HSD17B2: variants seen among roughly 807,000 people sequenced by gnomAD.
HSD17B2 encodes 17-beta-hydroxysteroid dehydrogenase type 2.
In HSD17B2, 32 loss-of-function variants were observed where a neutral mutation model predicts 26.9. The ratio of observed to expected loss-of-function variants is 1.19; its 90% CI spans 0.90 to 1.60. The LOEUF is 1.60. Among genes scored for constraint, HSD17B2 ranks in the 40% most tolerant of loss-of-function variants. The pLI, the probability that HSD17B2 is intolerant of heterozygous loss-of-function variation, is 0.00. For synonymous variants in HSD17B2, 246 were observed against 186.7 expected, an observed-to-expected ratio of 1.32 and a Z score of -2.59; for missense variants, 613 against 468.6, an observed-to-expected ratio of 1.31 and a Z score of -2.85.
chr16:82,047,811 C>G (rs920663968), intron 1 of HSD17B2, among the ~76,000 whole-genome samples: 1 of 152,168 alleles, frequency 6.6e-6, no homozygotes, highest in Non-Finnish European at 1.5e-5. Context: ...CCAGATGGAC[C>G]ATGAGCTCCA....
intron 1 of HSD17B2, among the ~76,000 whole-genome samples, chr16:82,058,579 A>G (rs1022497067): frequency 6.6e-6 from 1 of 152,130 alleles, no homozygotes. Flanking sequence ...GTCCCCTTAC[A>G]TGGGCAAAAG....
Position 82,035,277 on chromosome 16 carries a change from T to TA in HSD17B2, c.-146dup. On this transcript the variant is annotated 5_prime_UTR_variant, in exon 1 of 5. It introduces an in-frame stop codon into an upstream open reading frame of the 5' UTR. Coordinates refer to ENST00000199936, the MANE Select transcript of HSD17B2 (RefSeq NM_002153.3). Reference sequence around the variant, plus strand: ...TACCCACTGGGAATATGATTATGCTTAATCTATGCTCAGTTGAAAGGGGCT... The same window carrying TA: ...TACCCACTGGGAATATGATTATGCTTAAATCTATGCTCAGTTGAAAGGGGCT... 1 of 653,398 alleles carries TA rather than the reference T, an allele frequency of 1.5e-6. No individual in the cohort carries two copies. The highest frequency in any genetic ancestry group is 2.9e-5 in the Admixed American group (1 of 34,474). The allele number at this position is 653,398 out of a possible 1,614,324, so 40.5% of individuals were successfully genotyped here. A position where few individuals can be genotyped will look rare whatever the true frequency, so the allele number is the denominator to read the frequency against.
At chr16:82,062,580 G>A (rs1597128401) in intron 1 of HSD17B2, among the ~76,000 whole-genome samples, 1 of 152,322 alleles carries the variant, frequency 6.6e-6, no homozygotes, top group African/African-American at 2.4e-5. Flanking sequence ...TACCTCTGCT[G>A]TGTCTTAGCT....
intron 1 of HSD17B2, among the ~76,000 whole-genome samples, chr16:82,041,888 G>C (rs1913775523): frequency 6.6e-6 from 1 of 151,976 alleles, no homozygotes. Flanking sequence ...ACATTCTTCT[G>C]AGCTCCTGAC....
intron 3 of HSD17B2, chr16:82,071,618 G>A (rs149812676): frequency 1.3e-4 from 33 of 246,916 alleles, no homozygotes; most frequent in Non-Finnish European, 2.4e-4. Flanking sequence ...AATCCAGCTA[G>A]GTCAGGATGT....
intron 3 of HSD17B2, among the ~76,000 whole-genome samples, chr16:82,074,461 G>T (rs8191195): frequency 0.01 from 1,585 of 152,290 alleles, 27 homozygotes; most frequent in African/African-American, 0.035. Context: ...ACAGGGCCGG[G>T]AGTTTGTGTA....
At chr16:82,052,038 A>G (rs1008335812) in intron 1 of HSD17B2, among the ~76,000 whole-genome samples, 1 of 152,210 alleles carries the variant, frequency 6.6e-6, no homozygotes, top group African/African-American at 2.4e-5. Context: ...CCTTATACAG[A>G]GCCAACCACA....
At chr16:82,067,765 T>C (rs1302784567) in intron 1 of HSD17B2, among the ~76,000 whole-genome samples, 1 of 152,226 alleles carries the variant, frequency 6.6e-6, no homozygotes, top group African/African-American at 2.4e-5. Flanking sequence ...GAGTTTGTAA[T>C]GAATGTTTGA....
chr16:82,053,206 G>A (rs921877470), intron 1 of HSD17B2, among the ~76,000 whole-genome samples: 2 of 152,164 alleles, frequency 1.3e-5, no homozygotes, highest in African/African-American at 2.4e-5. Flanking sequence ...CATGGCAAAT[G>A]CAGAAGTCAA....
chr16:82,093,135 T>A (rs1287661975), intron 4 of HSD17B2: 9 of 152,170 alleles, frequency 5.9e-5, no homozygotes, highest in Admixed American at 5.9e-4. Context: ...AACAAATTAT[T>A]ATAAATCCTC....
chr16:82,073,533 T>C (rs8191188), intron 3 of HSD17B2, among the ~76,000 whole-genome samples: 356 of 152,266 alleles, frequency 2.3e-3, no homozygotes, highest in Non-Finnish European at 4.2e-3. Flanking sequence ...GTTGTGCAAA[T>C]TCATTACACC....
chr16:82,090,218 C>T, intron 3 of HSD17B2: 1 of 978,452 alleles, frequency 1.0e-6, no homozygotes. Flanking sequence ...GATATGTTTA[C>T]CAGGAACCTC....
At chr16:82,072,876 T>A (rs1162381180) in intron 3 of HSD17B2, among the ~76,000 whole-genome samples, 2 of 152,108 alleles carry the variant, frequency 1.3e-5, no homozygotes, top group African/African-American at 2.4e-5. Flanking sequence ...GGCAACATAG[T>A]GAGACCTCGT....
intron 1 of HSD17B2, among the ~76,000 whole-genome samples, chr16:82,062,495 A>G (rs1423473351): frequency 6.6e-6 from 1 of 152,208 alleles, no homozygotes; most frequent in Non-Finnish European, 1.5e-5. Context: ...ACTATGGGCT[A>G]AGCCTTGTGC....
intron 1 of HSD17B2, among the ~76,000 whole-genome samples, chr16:82,056,144 G>C (rs902222501): frequency 3.9e-5 from 6 of 152,180 alleles, no homozygotes; most frequent in Admixed American, 2.6e-4. Flanking sequence ...TGGCAAGAAT[G>C]ACATCCTGTC....
At chr16:82,078,792 T>C (rs1035050498) in intron 3 of HSD17B2, among the ~76,000 whole-genome samples, 7 of 152,226 alleles carry the variant, frequency 4.6e-5, no homozygotes, top group Admixed American at 1.3e-4. Context: ...CTTCACATGT[T>C]CTCACTTATT....
At chr16:82,044,895 A>C (rs1490177220) in intron 1 of HSD17B2, among the ~76,000 whole-genome samples, 1 of 152,114 alleles carries the variant, frequency 6.6e-6, no homozygotes, top group African/African-American at 2.4e-5. Context: ...GGGTGGGCAG[A>C]TCACCTGAGG....
chr16:82,058,062 T>C (rs894591878), intron 1 of HSD17B2, among the ~76,000 whole-genome samples: 1 of 151,442 alleles, frequency 6.6e-6, no homozygotes, highest in African/African-American at 2.5e-5. Flanking sequence ...AAGATTGTTG[T>C]TGTTGTTAAT....
chr16:82,066,504 T>G (rs1340728203), intron 1 of HSD17B2, among the ~76,000 whole-genome samples: 1 of 152,130 alleles, frequency 6.6e-6, no homozygotes, highest in Non-Finnish European at 1.5e-5. Flanking sequence ...CTAATTAGCA[T>G]AGCCTTTAAA....
Sources: allele counts gnomAD v4.1 joint callset (sites outside exome capture counted in the v4.1 genomes callset), GRCh38; gene constraint gnomAD v4.1.1; transcripts MANE v1.5; gene names NCBI Gene and HGNC (gene_info 2026-07-23, HGNC 2026-07-21).